COX7B2: variants seen among roughly 807,000 people sequenced by gnomAD.
COX7B2 encodes cytochrome c oxidase subunit 7B2, mitochondrial.
For synonymous variants in COX7B2, 37 were observed against 32.1 expected, an observed-to-expected ratio of 1.15 and a Z score of -0.51; for missense variants, 109 against 95.9, an observed-to-expected ratio of 1.14 and a Z score of -0.57.
Position 46,750,195 on chromosome 4 carries a change from TACACACACACAC to T in COX7B2, c.-49-14966_-49-14955del, listed in dbSNP as rs58139781. On this transcript the variant is annotated intron_variant, in intron 2 of 2. Transcript: ENST00000355591. ...GGACAACACAATGAGATCCCATCTC[TACACACACACAC>T]ACACACACACACACACACACACACA... is the stretch of plus-strand genomic sequence containing the variant. Among the ~76,000 whole-genome samples, 647 of 113,918 alleles carry T rather than the reference TACACACACACAC, an allele frequency of 5.7e-3. 2 individuals carry two copies. Among genetic ancestry groups the T allele is most frequent in the African/African-American group, 0.015 (438 of 29,366 alleles). The allele number at this position is 113,918 out of a possible 152,430, so 74.7% of individuals were successfully genotyped here.
intron 2 of COX7B2, among the ~76,000 whole-genome samples, chr4:46,767,034 A>G (rs992537115): frequency 6.6e-6 from 1 of 152,220 alleles, no homozygotes; most frequent in Non-Finnish European, 1.5e-5. Context: ...TTAACTGTAA[A>G]TAGATTAAAT....
rs201965018 is a variant in COX7B2, at chr4:46,850,003, GT to G, written c.-104-4990del. Among the ~76,000 whole-genome samples, 1,209 of 151,520 alleles carry G rather than the reference GT, an allele frequency of 8.0e-3. 18 individuals are homozygous for G. Among genetic ancestry groups the G allele is most frequent in the African/African-American group, 0.027 (1,131 of 41,338 alleles). ...GTAATTGTATTTCCAACTAAAAGAT[GT>G]TTTTTTTATCAACAACAAAAATTTT... On this transcript the variant is annotated intron_variant, in intron 1 of 2. Coordinates refer to ENST00000355591, the MANE Select transcript of COX7B2 (RefSeq NM_130902.3).
chr4:46,906,948 C>T (rs1285884720), intron 1 of COX7B2, among the ~76,000 whole-genome samples: 1 of 152,160 alleles, frequency 6.6e-6, no homozygotes, highest in African/African-American at 2.4e-5. Context: ...TCTATAATGG[C>T]TATGTTACCT....
chr4:46,762,453 T>TATATATACTATATATTGTAA, intron 2 of COX7B2, among the ~76,000 whole-genome samples: 1 of 137,492 alleles, frequency 7.3e-6, no homozygotes, highest in South Asian at 2.1e-4. Context: ...ATATATATAC[T>TATATATACTATATATTGTAA]ATATATAGTA....
chr4:46,784,907 C>G (rs1717668854), intron 2 of COX7B2, among the ~76,000 whole-genome samples: 1 of 152,170 alleles, frequency 6.6e-6, no homozygotes, highest in Non-Finnish European at 1.5e-5. Flanking sequence ...TATCATATTT[C>G]ACTTCACAAC....
At position 46,800,918 on chromosome 4, in the gene COX7B2, A is replaced by C. The variant is rs1001832605; in HGVS notation, c.-50+44042T>G. ...GAGGGACTTAAACAACTCAACAAGC[A>C]AAAACCAACCCCATTTAAAAAATGG... On this transcript the variant is annotated intron_variant, in intron 2 of 2. Coordinates refer to ENST00000355591, the MANE Select transcript of COX7B2 (RefSeq NM_130902.3). Among the ~76,000 whole-genome samples, 186 of 152,162 alleles carry C rather than the reference A, an allele frequency of 1.2e-3. 4 individuals are homozygous for C. The highest frequency in any genetic ancestry group is 1.6e-3 in the Admixed American group (24 of 15,264).
chr4:46,890,984 C>T (rs959218850), intron 1 of COX7B2, among the ~76,000 whole-genome samples: 1 of 152,044 alleles, frequency 6.6e-6, no homozygotes, highest in African/African-American at 2.4e-5. Flanking sequence ...AGAATCTAGG[C>T]TAGAGATGAT....
At chr4:46,848,592 A>G (rs1337177417) in intron 1 of COX7B2, among the ~76,000 whole-genome samples, 3 of 152,044 alleles carry the variant, frequency 2.0e-5, no homozygotes, top group Admixed American at 6.6e-5. Context: ...TTATTCCTCT[A>G]TTCATTCACT....
At chr4:46,785,944 A>C (rs1425009237) in intron 2 of COX7B2, among the ~76,000 whole-genome samples, 3 of 152,240 alleles carry the variant, frequency 2.0e-5, no homozygotes, top group Non-Finnish European at 4.4e-5. Context: ...GGTAAGAAGA[A>C]TATAAATAAT....
In COX7B2 at chr4:46,754,726, G is replaced by GTATA. The variant is rs1228184530; in HGVS notation, c.-49-19486_-49-19485insTATA. On this transcript the variant is annotated intron_variant, in intron 2 of 2. Coordinates refer to ENST00000355591, the MANE Select transcript of COX7B2 (RefSeq NM_130902.3). ...TGTGTGTGTGTGTGTGTGTGTGTGT[G>GTATA]TGTATATATATATATATATATATGA... 8.0e-3 allele frequency among the ~76,000 whole-genome samples: 368 copies of GTATA among 46,120 alleles called. 10 individuals carry two copies. The highest frequency in any genetic ancestry group is 0.021 in the African/African-American group (217 of 10,338). The allele number at this position is 46,120 out of a possible 152,430, so 30.3% of individuals were successfully genotyped here.
chr4:46,797,394 T>A (rs1718420498), intron 2 of COX7B2, among the ~76,000 whole-genome samples: 1 of 152,158 alleles, frequency 6.6e-6, no homozygotes, highest in African/African-American at 2.4e-5. Flanking sequence ...TTAGCTTAGG[T>A]CTGTCCCACT....
At chr4:46,806,686 C>A (rs1719016368) in intron 2 of COX7B2, among the ~76,000 whole-genome samples, 1 of 152,038 alleles carries the variant, frequency 6.6e-6, no homozygotes, top group African/African-American at 2.4e-5. Flanking sequence ...TCTCCCAGTT[C>A]CCACATTTGC....
chr4:46,799,372 C>T (rs1718532437), intron 2 of COX7B2, among the ~76,000 whole-genome samples: 1 of 152,034 alleles, frequency 6.6e-6, no homozygotes, highest in African/African-American at 2.4e-5. Flanking sequence ...CCCCTTATTT[C>T]TCTGGCTATG....
intron 1 of COX7B2, among the ~76,000 whole-genome samples, chr4:46,899,011 G>GA (rs34580563): frequency 6.6e-6 from 1 of 152,014 alleles, no homozygotes; most frequent in Non-Finnish European, 1.5e-5. Flanking sequence ...CTATGGTGGA[G>GA]AAAAAAATTA....
intron 2 of COX7B2, among the ~76,000 whole-genome samples, chr4:46,765,555 C>T (rs1218417000): frequency 6.6e-6 from 1 of 152,182 alleles, no homozygotes; most frequent in Non-Finnish European, 1.5e-5. Context: ...CAAGTCACTG[C>T]AAACTGAAGC....
intron 2 of COX7B2, among the ~76,000 whole-genome samples, chr4:46,749,433 A>G (rs1395773482): frequency 2.0e-5 from 3 of 152,160 alleles, no homozygotes; most frequent in Non-Finnish European, 4.4e-5. Context: ...CCAACTGCTA[A>G]CAAGGTAGCC....
chr4:46,768,946 A>G (rs181811378), intron 2 of COX7B2, among the ~76,000 whole-genome samples: 1 of 152,184 alleles, frequency 6.6e-6, no homozygotes, highest in East Asian at 1.9e-4. Context: ...AACAATTTGG[A>G]TAACATAGAA....
chr4:46,767,897 G>A (rs1716639513), intron 2 of COX7B2, among the ~76,000 whole-genome samples: 1 of 151,832 alleles, frequency 6.6e-6, no homozygotes, highest in African/African-American at 2.4e-5. Flanking sequence ...TTGAAGGTGT[G>A]GCTCCCTTAG....
intron 1 of COX7B2, among the ~76,000 whole-genome samples, chr4:46,852,526 CA>C (rs1280894184): frequency 1.3e-5 from 2 of 151,462 alleles, no homozygotes; most frequent in African/African-American, 4.9e-5. Flanking sequence ...ACCCTCTTAC[CA>C]GTCATAGCTA....
Sources: allele counts gnomAD v4.1 joint callset (sites outside exome capture counted in the v4.1 genomes callset), GRCh38; gene constraint gnomAD v4.1.1; transcripts MANE v1.5; gene names NCBI Gene and HGNC (gene_info 2026-07-23, HGNC 2026-07-21).